KAT7: variants seen among roughly 807,000 people sequenced by gnomAD.
KAT7 encodes lysine acetyltransferase 7, also known as histone acetyltransferase KAT7.
Under a neutral mutation model 82.1 loss-of-function variants are expected in KAT7, and 10 were observed. The ratio of observed to expected loss-of-function variants is 0.12; its 90% CI spans 0.08 to 0.21. The LOEUF (loss-of-function observed/expected upper bound fraction) is 0.21. KAT7 is among the 10% of genes least tolerant of loss of function. The pLI is 1.00. For synonymous variants in KAT7, 250 were observed against 262.5 expected (o/e 0.95, Z 0.46); for missense variants, 378 against 760.9 (o/e 0.50, Z 5.92).
intron 5 of KAT7, among the ~76,000 whole-genome samples, chr17:49,808,514 G>A (rs1245283039): frequency 2.0e-5 from 3 of 150,040 alleles, no homozygotes; most frequent in Admixed American, 6.7e-5. Context: ...GCAGTGGTGC[G>A]ATCTCGGCTC....
intron 2 of KAT7, among the ~76,000 whole-genome samples, chr17:49,792,509 G>A (rs568816378): frequency 3.6e-4 from 54 of 151,860 alleles, no homozygotes; most frequent in African/African-American, 1.3e-3. Flanking sequence ...TTTGAATTTC[G>A]GTCTTTTCCT....
intron 14 of KAT7, 141 bp downstream of exon 14, chr17:49,826,940 C>G (rs1703283346): frequency 1.7e-6 from 1 of 584,930 alleles, no homozygotes; most frequent in Admixed American, 3.1e-5. Flanking sequence ...ATTTCTGTAG[C>G]TGGCAGTGAT....
In KAT7 at chr17:49,798,443, G is replaced by A. The variant is rs904546010; in HGVS notation, c.465G>A (p.Lys155=). The A allele has an allele frequency of 6.2e-7, 1 of 1,614,194 alleles. No individual in the cohort carries two copies. The highest frequency in any genetic ancestry group is 1.3e-5 in the African/African-American group (1 of 75,030). The change falls in exon 4 of 15, where the codon AAG becomes AAA. Residue 155 remains lysine (K), a synonymous_variant. Coordinates refer to ENST00000259021, the MANE Select transcript of KAT7 (RefSeq NM_007067.5). ...PNVSHDESIA[K]DMSLKDSGSD... The stretch of plus-strand genomic sequence containing the variant: ...TATCTCACGATGAGAGCATTGCCAA[G>A]GACATGTCCCTGAAGGACTCAGGCA...
rs373834269 is a variant in KAT7, at chr17:49,825,996, G to T, written c.1481-4G>T. ...AGAAAAAGTCTGTATTTGTTCCCTG[G>T]CAGGTTATTTGCTTTCCAAAGTCGA... On this transcript the variant is annotated splice_region_variant and splice_polypyrimidine_tract_variant and intron_variant, in intron 12 of 14. Transcript: ENST00000259021. 5.6e-6 allele frequency: 9 copies of T among 1,606,420 alleles called. No homozygotes were observed. Among genetic ancestry groups the T allele is most frequent in the Middle Eastern group, 1.7e-4 (1 of 5,852 alleles).
In KAT7 at chr17:49,820,437, C is replaced by T. The variant is rs1297087086; in HGVS notation, c.1156-900C>T. Among the ~76,000 whole-genome samples, 3 of 152,170 alleles carry T rather than the reference C, an allele frequency of 2.0e-5. No individual in the cohort carries two copies. The South Asian group carries it at 6.2e-4, about 32-fold the overall frequency. On this transcript the variant is annotated intron_variant, in intron 9 of 14. Coordinates refer to ENST00000259021, the MANE Select transcript of KAT7 (RefSeq NM_007067.5). ...GGGATTACAGGCCCCCGCTGCCACA[C>T]CTGGCTAATATTTGTATTTTTAGTA... is the stretch of plus-strand genomic sequence containing the variant.
At chr17:49,812,920 C>T (rs544915901) in intron 7 of KAT7, among the ~76,000 whole-genome samples, 86 of 149,288 alleles carry the variant, frequency 5.8e-4, no homozygotes, top group South Asian at 2.1e-4. Context: ...CCAGGCTGGT[C>T]TTGAACTCCT....
At chr17:49,821,943 T>C (rs1184725418) in intron 11 of KAT7, among the ~76,000 whole-genome samples, 153 bp downstream of exon 11, 3 of 150,912 alleles carry the variant, frequency 2.0e-5, no homozygotes, top group Non-Finnish European at 2.9e-5. Context: ...GGCAAACCCA[T>C]GTATCAAAGA....
intron 12 of KAT7, among the ~76,000 whole-genome samples, chr17:49,824,949 A>T (rs2074351513): frequency 6.6e-6 from 1 of 152,024 alleles, no homozygotes; most frequent in African/African-American, 2.4e-5. Context: ...CCTTCATGTC[A>T]TAAATTGTGA....
At chr17:49,824,335 A>T (rs1041909138) in intron 12 of KAT7, 1 of 152,192 alleles carries the variant, frequency 6.6e-6, no homozygotes, top group Non-Finnish European at 1.5e-5. Context: ...GAATTCCTAG[A>T]ATTAGCCTTC....
chr17:49,809,034 C>A, intron 5 of KAT7, 85 bp from the exon 6 acceptor site: 1 of 1,012,234 alleles, frequency 9.9e-7, no homozygotes, highest in Non-Finnish European at 1.5e-6. Context: ...AACATAAATC[C>A]AAGGCATTAT....
chr17:49,805,310 T>C, intron 4 of KAT7, 53 bp from the exon 5 acceptor site: 1 of 1,243,618 alleles, frequency 8.0e-7, no homozygotes, highest in African/African-American at 1.5e-5. Flanking sequence ...AGAAACATAC[T>C]ACTTTCTAAG....
At chr17:49,792,648 C>T (rs1436014384) in intron 2 of KAT7, among the ~76,000 whole-genome samples, 1 of 152,130 alleles carries the variant, frequency 6.6e-6, no homozygotes, top group Non-Finnish European at 1.5e-5. Context: ...CAGTACTCTT[C>T]AGTGTACTGT....
At position 49,821,633 on chromosome 17, in the gene KAT7, T is replaced by C. The variant is rs117250528; in HGVS notation, c.1246-17T>C. On this transcript the variant is annotated splice_polypyrimidine_tract_variant and intron_variant, in intron 10 of 14. Coordinates refer to ENST00000259021, the MANE Select transcript of KAT7 (RefSeq NM_007067.5). ...GAATCAGTGGCCCACACATGAACTC[T>C]GTTTCTCTGCTTCCAGATCTACTGC... The C allele has an allele frequency of 1.5e-3, 2,427 of 1,612,604 alleles. 17 individuals carry two copies. In the East Asian group the frequency reaches 0.02, roughly 13 times the overall value.
At chr17:49,804,435 G>A in intron 4 of KAT7, among the ~76,000 whole-genome samples, 1 of 151,766 alleles carries the variant, frequency 6.6e-6, no homozygotes, top group East Asian at 1.9e-4. Flanking sequence ...AATAAAACAA[G>A]CTTTCGTGTT....
At chr17:49,823,432 A>T in intron 12 of KAT7, 137 bp downstream of exon 12, 1 of 616,436 alleles carries the variant, frequency 1.6e-6, no homozygotes, top group Non-Finnish European at 2.9e-6. Flanking sequence ...ATGAACAAGT[A>T]GGAAAAACCT....
In KAT7 at chr17:49,827,496, C is replaced by T; in HGVS notation, c.1830C>T (p.Gly610=). Residue 610 remains glycine, a synonymous_variant, in exon 15 of 15, where the codon GGC becomes GGT. Transcript: ENST00000259021. ...PSCLKWTPPK[G]T ...GCTTAAAATGGACCCCTCCCAAGGG[C>T]ACTTAAAGTGACCTGTCATTCCGAG... is the stretch of plus-strand genomic sequence containing the variant. 1.2e-6 allele frequency: 2 copies of T among 1,601,244 alleles called. No individual in the cohort carries two copies. Among genetic ancestry groups the T allele is most frequent in the Non-Finnish European group, 1.7e-6 (2 of 1,168,274 alleles).
At chr17:49,812,146 A>C (rs959345816) in intron 7 of KAT7, among the ~76,000 whole-genome samples, 1 of 151,790 alleles carries the variant, frequency 6.6e-6, no homozygotes, top group African/African-American at 2.4e-5. Context: ...GTTTTTGGAT[A>C]TATCCTAGCT....
At chr17:49,796,635 T>C in intron 2 of KAT7, 115 bp from the exon 3 acceptor site, 1 of 742,074 alleles carries the variant, frequency 1.3e-6, no homozygotes. Context: ...TAAGGATTTG[T>C]TGGATTTTGT....
intron 11 of KAT7, 142 bp from the exon 12 acceptor site, chr17:49,823,060 A>G: frequency 1.7e-6 from 1 of 605,428 alleles, no homozygotes; most frequent in South Asian, 1.9e-5. Context: ...GTGTGGTTAT[A>G]ACAGCTGTGA....
Sources: gnomAD v4.1 joint callset for allele counts (sites outside exome capture counted in the v4.1 genomes callset) on GRCh38, gnomAD v4.1.1 for gene constraint, MANE v1.5 for transcripts, NCBI Gene and HGNC (gene_info 2026-07-23, HGNC 2026-07-21) for gene names.